UGT1A6: variants seen among roughly 807,000 people sequenced by gnomAD.
UGT1A6 encodes UDP-glucuronosyltransferase 1A6.
Under a neutral mutation model 44.4 loss-of-function variants are expected in UGT1A6, and 32 were observed. The ratio of observed to expected loss-of-function variants is 0.72; its 90% CI spans 0.54 to 0.97. The LOEUF is 0.97. Ranked by LOEUF, UGT1A6 falls within the 50% of genes least tolerant of loss-of-function variation. UGT1A6 has a pLI of 0.00. For missense variants in UGT1A6, 685 were observed against 661.9 expected (o/e 1.03, Z -0.38); for synonymous variants, 238 against 248.5 (o/e 0.96, Z 0.40).
At chr2:233,766,269 TCGG>T (rs1349388778) in intron 1 of UGT1A6, among the ~76,000 whole-genome samples, 29 of 67,888 alleles carry the variant, frequency 4.3e-4, no homozygotes, top group Admixed American at 8.2e-4. Context: ...TGGCCCGGGC[TCGG>T]TGGCCCGGGC....
chr2:233,713,462 C>G (rs146711966), intron 1 of UGT1A6: 1 of 1,614,090 alleles, frequency 6.2e-7, no homozygotes, highest in Admixed American at 1.7e-5. Flanking sequence ...TTCACCTCTG[C>G]GCGGCGGTGC....
At chr2:233,771,575 T>A (rs927540192) in intron 4 of UGT1A6, 6 of 152,302 alleles carry the variant, frequency 3.9e-5, no homozygotes, top group African/African-American at 1.4e-4. Context: ...AGGTGGTTGT[T>A]TACAACTTCA....
intron 1 of UGT1A6, among the ~76,000 whole-genome samples, chr2:233,720,365 G>C (rs920594093): frequency 6.6e-6 from 1 of 152,064 alleles, no homozygotes; most frequent in East Asian, 1.9e-4. Context: ...ATGTCAAAAG[G>C]GTCTTCTACT....
Position 233,761,147 on chromosome 2 carries a change from C to A in UGT1A6, c.862-5887C>A. 1.9e-6 allele frequency: 3 copies of A among 1,614,204 alleles called. No individual in the cohort carries two copies. In the South Asian group the frequency reaches 3.3e-5, roughly 18 times the overall value. ...AACTGCCTTCACCAAAATCCACTATCCCAGGTGTGTATTGGAGTGGGACTT... is the reference window on the plus strand; with the variant it reads ...AACTGCCTTCACCAAAATCCACTATACCAGGTGTGTATTGGAGTGGGACTT... On this transcript the variant is annotated intron_variant, in intron 1 of 4. Transcript: ENST00000305139.
intron 1 of UGT1A6, among the ~76,000 whole-genome samples, chr2:233,745,386 T>C (rs765197385): frequency 3.3e-5 from 5 of 151,842 alleles, no homozygotes; most frequent in Non-Finnish European, 7.4e-5. Flanking sequence ...TTCACCTCCT[T>C]ATTCTCTTTT....
chr2:233,720,704 CTTTT>C (rs796417980), intron 1 of UGT1A6, among the ~76,000 whole-genome samples: 1 of 139,182 alleles, frequency 7.2e-6, no homozygotes. Context: ...GGGAGCCATC[CTTTT>C]TTTTTTTTTT....
At chr2:233,756,509 C>G (rs138449392) in intron 1 of UGT1A6, among the ~76,000 whole-genome samples, 3,057 of 152,098 alleles carry the variant, frequency 0.02, 61 homozygotes, top group Non-Finnish European at 0.029. Context: ...TATGGAGGGT[C>G]AAATGTGCAT....
At chr2:233,755,509 C>T (rs143373661) in intron 1 of UGT1A6, 2 of 166,052 alleles carry the variant, frequency 1.2e-5, no homozygotes, top group Middle Eastern at 2.8e-3. Context: ...GACCAGGCCC[C>T]GCCCACTCCG....
rs1267717516 is a variant in UGT1A6, at chr2:233,755,162, G to A, written c.862-11872G>A. 1.3e-4 allele frequency: 162 copies of A among 1,279,924 alleles called. 2 individuals carry two copies. The highest frequency in any genetic ancestry group is 5.7e-5 in the Admixed American group (3 of 52,216). The allele number at this position is 1,279,924 out of a possible 1,614,324, so 79.3% of individuals were successfully genotyped here. A position where few individuals can be genotyped will look rare whatever the true frequency, so the allele number is the denominator to read the frequency against. Reference sequence around the variant, plus strand: ...TTCTCACCGCTTCCTCCCTGTCCTCGGGGTTTTTGTCGGGGTGCCACTTGA... The same window carrying A: ...TTCTCACCGCTTCCTCCCTGTCCTCAGGGTTTTTGTCGGGGTGCCACTTGA... On this transcript the variant is annotated intron_variant, in intron 1 of 4. Coordinates refer to ENST00000305139, the MANE Select transcript of UGT1A6 (RefSeq NM_001072.4).
intron 1 of UGT1A6, among the ~76,000 whole-genome samples, chr2:233,756,852 C>T (rs11568318): frequency 6.6e-5 from 10 of 152,088 alleles, no homozygotes; most frequent in East Asian, 1.9e-4. Flanking sequence ...AACATTCTAA[C>T]GGTTCATAAA....
At chr2:233,748,654 C>T (rs1693998428) in intron 1 of UGT1A6, among the ~76,000 whole-genome samples, 1 of 151,632 alleles carries the variant, frequency 6.6e-6, no homozygotes, top group Admixed American at 6.6e-5. Flanking sequence ...ACACTGAGTT[C>T]AGTTTCCAGA....
At chr2:233,702,197 A>T (rs187320668) in intron 1 of UGT1A6, among the ~76,000 whole-genome samples, 21 of 152,306 alleles carry the variant, frequency 1.4e-4, no homozygotes, top group Admixed American at 4.6e-4. Flanking sequence ...AGCCCCTGGC[A>T]GCCATTAATC....
Position 233,727,783 on chromosome 2 carries a change from T to A in UGT1A6, c.861+33918T>A, listed in dbSNP as rs377176798. Among the ~76,000 whole-genome samples, 8 of 152,336 alleles carry A rather than the reference T, an allele frequency of 5.3e-5. No individual in the cohort carries two copies. The East Asian group carries it at 7.7e-4, about 15-fold the overall frequency. Reference sequence around the variant, plus strand: ...AGCTGGGTGTCCCCCAGTAGACGCTTCCATTCACTGCCTGTCCCATGGGTT... The same window carrying A: ...AGCTGGGTGTCCCCCAGTAGACGCTACCATTCACTGCCTGTCCCATGGGTT... On this transcript the variant is annotated intron_variant, in intron 1 of 4. Coordinates refer to ENST00000305139, the MANE Select transcript of UGT1A6 (RefSeq NM_001072.4).
At chr2:233,761,295 T>C in intron 1 of UGT1A6, 1 of 1,507,920 alleles carries the variant, frequency 6.6e-7, no homozygotes. Flanking sequence ...GACTCCTAGG[T>C]TTGAGTCTGT....
intron 1 of UGT1A6, among the ~76,000 whole-genome samples, chr2:233,740,381 G>T (rs771907288): frequency 6.6e-6 from 1 of 151,918 alleles, no homozygotes; most frequent in Non-Finnish European, 1.5e-5. Flanking sequence ...GTAAGTTGTT[G>T]TGTGAATTAT....
At chr2:233,743,990 CG>C in intron 1 of UGT1A6, 1 of 1,267,322 alleles carries the variant, frequency 7.9e-7, no homozygotes, top group Admixed American at 2.4e-5. Context: ...GGCGCAGGCC[CG>C]AGTGCTCGGA....
chr2:233,705,112 G>T (rs1194885288), intron 1 of UGT1A6, among the ~76,000 whole-genome samples: 1 of 149,892 alleles, frequency 6.7e-6, no homozygotes, highest in Admixed American at 6.7e-5. Context: ...CGCCAGCCTG[G>T]GGGACAAGAG....
Position 233,767,155 on chromosome 2 carries a change from T to C in UGT1A6, c.983T>C (p.Ile328Thr), listed in dbSNP as rs202035422. The change falls in exon 2 of 5, where the codon ATC (isoleucine) becomes ACC (threonine). Residue 328 changes from isoleucine (I) to threonine (T), a missense_variant. Ile to Thr is a moderately conservative substitution (Grantham distance 89). Transcript: ENST00000305139. The stretch of plus-strand genomic sequence containing the variant: ...GCAATTGCTGATGCTTTGGGCAAAA[T>C]CCCTCAGACAGTAAGAAGATTCTAT... ...AMAIADALGK[I>T]PQTVLWRYTG... 6.2e-7 allele frequency: 1 copy of C among 1,614,056 alleles called. No homozygotes were observed. Among genetic ancestry groups the C allele is most frequent in the Non-Finnish European group, 8.5e-7 (1 of 1,179,996 alleles).
rs542881943 is a variant in UGT1A6, at chr2:233,729,093, G to A, written c.861+35228G>A. 7.1e-5 allele frequency: 115 copies of A among 1,612,640 alleles called. 3 individuals carry two copies. In the South Asian group the frequency reaches 1.2e-3, roughly 17 times the overall value. ...AGCAAATGTAGCAGGCACAGCGTGGGGTGGACAGTCAGCTGTCCGTGTCTT... is the reference window on the plus strand; with the variant it reads ...AGCAAATGTAGCAGGCACAGCGTGGAGTGGACAGTCAGCTGTCCGTGTCTT... On this transcript the variant is annotated intron_variant, in intron 1 of 4. Transcript: ENST00000305139.
Sources: allele counts gnomAD v4.1 joint callset (sites outside exome capture counted in the v4.1 genomes callset), GRCh38; gene constraint gnomAD v4.1.1; transcripts MANE v1.5; gene names NCBI Gene and HGNC (gene_info 2026-07-23, HGNC 2026-07-21).